The following ADCY3 variants were observed in gnomAD, a reference collection of about 807,000 sequenced individuals.
The protein encoded by ADCY3 is adenylate cyclase type 3.
A neutral mutation model predicts 119.4 loss-of-function variants in ADCY3; 70 were observed. The observed-to-expected ratio is 0.59, with a 90% CI of 0.48 to 0.72. The LOEUF (loss-of-function observed/expected upper bound fraction) is 0.72. Ranked by LOEUF, ADCY3 falls within the 30% of genes least tolerant of loss-of-function variation. ADCY3 has a pLI of 0.00. For missense variants in ADCY3, 1,238 were observed against 1,541.6 expected, an observed-to-expected ratio of 0.80 and a Z score of 3.30; for synonymous variants, 672 against 621.4, an observed-to-expected ratio of 1.08 and a Z score of -1.21.
chr2:24,827,569 G>A lies in ADCY3; in HGVS notation c.2472C>T (p.Asn824=), dbSNP rs760728863. 2.1e-5 allele frequency: 34 copies of A among 1,589,830 alleles called. No homozygotes were observed. Among genetic ancestry groups the A allele is most frequent in the Non-Finnish European group, 2.8e-5 (33 of 1,165,184 alleles). Residue 824 remains asparagine, a synonymous_variant, in exon 15 of 22, where the codon AAC becomes AAT. Transcript: ENST00000679454. ...ACCTGTCAGTGCCATTGAGCCCAGG[G>A]TTGAATCCTTGCATCTGCTCTAAGG... ...MVALEQMQGF[N]PGLNGTDRLP...
intron 2 of ADCY3, among the ~76,000 whole-genome samples, chr2:24,909,496 AGAATGAC>A (rs969212706): frequency 2.0e-5 from 3 of 152,174 alleles, no homozygotes; most frequent in African/African-American, 7.2e-5. Context: ...AGAAGGTAAG[AGAATGAC>A]TTCTCACCCA....
rs1674645348 is a variant in ADCY3, at chr2:24,868,975, G to A, written c.825+3595C>T. On this transcript the variant is annotated intron_variant, in intron 3 of 21. Coordinates refer to ENST00000679454, the MANE Select transcript of ADCY3 (RefSeq NM_004036.5). The stretch of plus-strand genomic sequence containing the variant: ...GGAGGCAGAGCTTGCAGTGAGCCTA[G>A]ATCGCGCCACTGCACTCCAGCCTAA... Among the ~76,000 whole-genome samples the A allele has an allele frequency of 2.6e-5, 4 of 152,182 alleles. No individual in the cohort carries two copies. In the South Asian group the frequency reaches 6.2e-4, roughly 24 times the overall value.
At chr2:24,873,931 G>T (rs894276314) in intron 2 of ADCY3, among the ~76,000 whole-genome samples, 1 of 152,244 alleles carries the variant, frequency 6.6e-6, no homozygotes, top group African/African-American at 2.4e-5. Context: ...GCCCTCAGGG[G>T]ATAAAAGATT....
rs927321438 is a variant in ADCY3, at chr2:24,899,185, AG to A, written c.675+19127del. Among the ~76,000 whole-genome samples the A allele has an allele frequency of 6.6e-6, 1 of 152,168 alleles. No individual in the cohort carries two copies. Among genetic ancestry groups the A allele is most frequent in the African/African-American group, 2.4e-5 (1 of 41,432 alleles). On this transcript the variant is annotated intron_variant, in intron 2 of 21. Transcript: ENST00000679454. This position sits in a 1 kb window ranked among gnomAD's most constrained non-coding sequence, Gnocchi z 4.5. ...CTAGGCAGCTGACCCACAGAGGCCC[AG>A]GGAGGTCAGCTGCGCTGCCCAGGGC...
intron 3 of ADCY3, among the ~76,000 whole-genome samples, chr2:24,866,048 T>C (rs7557889): frequency 0.032 from 4,923 of 152,206 alleles, 250 homozygotes; most frequent in African/African-American, 0.11. Context: ...TTCTGTACAC[T>C]ATTACCCTTT....
intron 3 of ADCY3, among the ~76,000 whole-genome samples, chr2:24,843,527 A>G (rs1044380852): frequency 6.6e-6 from 1 of 152,204 alleles, no homozygotes; most frequent in South Asian, 2.1e-4. Context: ...TTGTTGATAT[A>G]TTGTCTCTGG....
intron 2 of ADCY3, among the ~76,000 whole-genome samples, chr2:24,881,370 G>A (rs867508657): frequency 6.6e-6 from 1 of 152,186 alleles, no homozygotes; most frequent in Non-Finnish European, 1.5e-5. Flanking sequence ...AGCTGGCACC[G>A]ACGTTAGGAC....
intron 3 of ADCY3, among the ~76,000 whole-genome samples, chr2:24,854,014 C>G (rs943042440): frequency 1.3e-5 from 2 of 152,194 alleles, no homozygotes; most frequent in Admixed American, 6.5e-5. Context: ...GGTGTTGTCT[C>G]TCCTTTATAA....
chr2:24,909,320 C>T (rs1258663477), intron 2 of ADCY3, among the ~76,000 whole-genome samples: 2 of 152,100 alleles, frequency 1.3e-5, no homozygotes, highest in Admixed American at 1.3e-4. Flanking sequence ...GAAGCTTGTG[C>T]ACCTGCAAAT....
chr2:24,864,656 T>C (rs1243185309), intron 3 of ADCY3, among the ~76,000 whole-genome samples: 4 of 152,110 alleles, frequency 2.6e-5, no homozygotes, highest in African/African-American at 9.7e-5. Flanking sequence ...ATAAAGGACC[T>C]AGTAGAGGCA....
At chr2:24,882,731 T>G (rs1230512965) in intron 2 of ADCY3, among the ~76,000 whole-genome samples, 8 of 152,118 alleles carry the variant, frequency 5.3e-5, no homozygotes, top group Non-Finnish European at 1.2e-4. Context: ...ATTATAAAAT[T>G]ACCTCAAGGA....
Position 24,831,731 on chromosome 2 carries a change from C to T in ADCY3, c.1986G>A (p.Val662=), listed in dbSNP as rs758055229. 9 of 1,610,232 alleles carry T rather than the reference C, an allele frequency of 5.6e-6. No individual in the cohort carries two copies. The highest frequency in any genetic ancestry group is 3.4e-4 in the Middle Eastern group (2 of 5,914). Residue 662 remains valine (V), a synonymous_variant, in exon 12 of 22, where the codon GTG becomes GTA. Transcript: ENST00000679454. ...LIDPWLMTNY[V]TFMVGEILLL... is the part of the protein sequence containing the mutation. ...GCAGAATCTCCCCCACCATGAAGGT[C>T]ACATAGTTTGTCATTAGCCTGTGAC...
intron 2 of ADCY3, among the ~76,000 whole-genome samples, chr2:24,915,739 C>T (rs1664369429): frequency 6.6e-6 from 1 of 152,152 alleles, no homozygotes; most frequent in Admixed American, 6.5e-5. Context: ...TGCGGTTTCG[C>T]CATGTTGGCC....
At position 24,841,011 on chromosome 2, in the gene ADCY3, G is replaced by A. The variant is rs1670932127; in HGVS notation, c.1196+248C>T. On this transcript the variant is annotated intron_variant, in intron 6 of 21. Coordinates refer to ENST00000679454, the MANE Select transcript of ADCY3 (RefSeq NM_004036.5). This position sits in a 1 kb window ranked among gnomAD's most constrained non-coding sequence, Gnocchi z 5.8. ...GCAAAAAGAGAATACGTGGACTAAGGCTGGAAAAGTGTGCCCCACAGGCTG... is the reference window on the plus strand; with the variant it reads ...GCAAAAAGAGAATACGTGGACTAAGACTGGAAAAGTGTGCCCCACAGGCTG... Among the ~76,000 whole-genome samples, 1 of 152,226 alleles carries A rather than the reference G, an allele frequency of 6.6e-6. No homozygotes were observed. The highest frequency in any genetic ancestry group is 2.1e-4 in the South Asian group (1 of 4,832).
chr2:24,892,014 T>A (rs1413866350), intron 2 of ADCY3, among the ~76,000 whole-genome samples: 4 of 152,252 alleles, frequency 2.6e-5, no homozygotes, highest in African/African-American at 9.6e-5. Flanking sequence ...AAGCATTTAA[T>A]GCTACAAATT....
At chr2:24,822,255 T>A (rs1200842383) in intron 19 of ADCY3, 5 of 387,378 alleles carry the variant, frequency 1.3e-5, no homozygotes, top group Non-Finnish European at 2.3e-5. Flanking sequence ...CACAGAGCCT[T>A]AGGGGGCCTG....
chr2:24,839,621 G>A (rs1043142422), intron 7 of ADCY3, among the ~76,000 whole-genome samples: 3 of 152,206 alleles, frequency 2.0e-5, no homozygotes, highest in African/African-American at 7.2e-5. Context: ...GGGACAGGAG[G>A]ACAGGCTACT....
intron 3 of ADCY3, among the ~76,000 whole-genome samples, chr2:24,855,349 T>G (rs868053199): frequency 6.6e-6 from 1 of 152,274 alleles, no homozygotes; most frequent in African/African-American, 2.4e-5. Context: ...GAAGAATTTT[T>G]AAAGAGTCAA....
chr2:24,833,719 G>C (rs1473148657), intron 11 of ADCY3, among the ~76,000 whole-genome samples: 1 of 152,218 alleles, frequency 6.6e-6, no homozygotes, highest in South Asian at 2.1e-4. Flanking sequence ...AATACTTATG[G>C]AATGAGTGAA....
Sources: gnomAD v4.1 joint callset for allele counts (sites outside exome capture counted in the v4.1 genomes callset) on GRCh38, gnomAD v4.1.1 for gene constraint, Gnocchi (gnomAD v3.1) non-coding constraint, MANE v1.5 for transcripts, NCBI Gene and HGNC (gene_info 2026-07-23, HGNC 2026-07-21) for gene names.